The following PTPRD variants were observed in gnomAD, a reference collection of about 807,000 sequenced individuals.
PTPRD encodes the protein protein tyrosine phosphatase receptor type D, also known as receptor-type tyrosine-protein phosphatase delta.
PTPRD carries 34 observed loss-of-function variants against 214.5 expected under a neutral mutation model. The ratio of observed to expected loss-of-function variants is 0.16; its 90% CI spans 0.12 to 0.21. The LOEUF is 0.21. PTPRD is among the 10% of genes least tolerant of loss of function. The pLI, the probability that PTPRD is intolerant of heterozygous loss-of-function variation, is 1.00. For missense variants in PTPRD, 2,545 were observed against 2,398.7 expected, an observed-to-expected ratio of 1.06 and a Z score of -1.27; for synonymous variants, 1,128 against 845.7, an observed-to-expected ratio of 1.33 and a Z score of -5.79.
intron 9 of PTPRD, among the ~76,000 whole-genome samples, chr9:9,266,565 T>G (rs1184287788): frequency 6.7e-6 from 1 of 149,958 alleles, no homozygotes; most frequent in African/African-American, 2.4e-5. Flanking sequence ...CTGACCACCG[T>G]GATATGAAAC....
chr9:9,991,563 G>A (rs1001562468), intron 4 of PTPRD, among the ~76,000 whole-genome samples: 1 of 151,900 alleles, frequency 6.6e-6, no homozygotes, highest in African/African-American at 2.4e-5. Flanking sequence ...GTTTCTCCAT[G>A]TTGGTCAGGC....
intron 12 of PTPRD, among the ~76,000 whole-genome samples, chr9:8,702,947 G>A (rs72700384): frequency 0.088 from 13,346 of 152,248 alleles, 717 homozygotes; most frequent in South Asian, 0.14. Context: ...ACAAGAGGAA[G>A]GAGGACATTT....
intron 3 of PTPRD, among the ~76,000 whole-genome samples, chr9:10,082,216 C>A (rs114943346): frequency 6.6e-6 from 1 of 152,112 alleles, no homozygotes; most frequent in Non-Finnish European, 1.5e-5. Context: ...GAATAATAAA[C>A]GTTAAAGGAT....
chr9:9,420,047 A>C (rs1362961155), intron 8 of PTPRD, among the ~76,000 whole-genome samples: 1 of 151,622 alleles, frequency 6.6e-6, no homozygotes, highest in Non-Finnish European at 1.5e-5. Flanking sequence ...TATTTTTAAA[A>C]TTCTGTAACC....
At chr9:10,170,307 G>C (rs1046601120) in intron 3 of PTPRD, among the ~76,000 whole-genome samples, 5 of 151,920 alleles carry the variant, frequency 3.3e-5, no homozygotes, top group Admixed American at 2.0e-4. Context: ...CCTTCTGATG[G>C]GCATATTTTA....
chr9:9,186,359 A>G (rs1442901810), intron 9 of PTPRD, among the ~76,000 whole-genome samples: 3 of 152,092 alleles, frequency 2.0e-5, no homozygotes, highest in Non-Finnish European at 4.4e-5. Flanking sequence ...AGATCTGTCC[A>G]TGGTGGGGCA....
At chr9:8,961,676 C>G (rs781391664) in intron 11 of PTPRD, among the ~76,000 whole-genome samples, 1 of 152,078 alleles carries the variant, frequency 6.6e-6, no homozygotes, top group Non-Finnish European at 1.5e-5. Context: ...GTTTCCACTG[C>G]CTGCTAGGCT....
At chr9:9,876,071 G>T (rs1462028512) in intron 5 of PTPRD, among the ~76,000 whole-genome samples, 1 of 152,092 alleles carries the variant, frequency 6.6e-6, no homozygotes, top group African/African-American at 2.4e-5. Flanking sequence ...ATAGTTGGAA[G>T]GAAGGGAGGA....
At chr9:10,419,291 A>T (rs2154515153) in intron 2 of PTPRD, among the ~76,000 whole-genome samples, 1 of 151,988 alleles carries the variant, frequency 6.6e-6, no homozygotes, top group Admixed American at 6.6e-5. Context: ...CATTTCCGTA[A>T]CACTGGACTC....
chr9:8,720,765 G>C (rs1051104462), intron 12 of PTPRD, among the ~76,000 whole-genome samples: 1 of 152,040 alleles, frequency 6.6e-6, no homozygotes, highest in Non-Finnish European at 1.5e-5. Flanking sequence ...TGTAAGCTGT[G>C]ACTGTGACAT....
chr9:10,472,811 TTACTGAG>T (rs2099039792), intron 2 of PTPRD, among the ~76,000 whole-genome samples: 2 of 151,974 alleles, frequency 1.3e-5, no homozygotes, highest in Non-Finnish European at 1.5e-5. Flanking sequence ...AAATCATTAC[TTACTGAG>T]AAAACAATCA....
At chr9:10,535,465 G>C (rs755258173) in intron 2 of PTPRD, among the ~76,000 whole-genome samples, 1 of 151,906 alleles carries the variant, frequency 6.6e-6, no homozygotes, top group Non-Finnish European at 1.5e-5. Flanking sequence ...TTGTAATCTG[G>C]TGAGCTTACT....
At chr9:10,199,512 A>G (rs2099411152) in intron 3 of PTPRD, among the ~76,000 whole-genome samples, 1 of 152,102 alleles carries the variant, frequency 6.6e-6, no homozygotes, top group Non-Finnish European at 1.5e-5. Context: ...AACAGAGACC[A>G]GGAATTAGAA....
chr9:8,436,777 A>G, intron 34 of PTPRD, 88 bp from the exon 35 acceptor site: 1 of 1,025,278 alleles, frequency 9.8e-7, no homozygotes, highest in Non-Finnish European at 1.5e-6. Context: ...CTATAGTTAG[A>G]AATGGCCTGA....
intron 5 of PTPRD, among the ~76,000 whole-genome samples, chr9:9,874,369 C>A (rs1380033936): frequency 6.6e-6 from 1 of 152,098 alleles, no homozygotes; most frequent in Non-Finnish European, 1.5e-5. Context: ...CAATCAACTA[C>A]ATTACATGAG....
intron 2 of PTPRD, among the ~76,000 whole-genome samples, chr9:10,416,736 G>A (rs6474548): frequency 0.74 from 111,499 of 151,510 alleles, 41,496 homozygotes; most frequent in Non-Finnish European, 0.81. Flanking sequence ...GTATCTCTGT[G>A]GAGATTGCAA....
chr9:10,028,703 G>A (rs368064387), intron 4 of PTPRD, among the ~76,000 whole-genome samples: 28 of 152,242 alleles, frequency 1.8e-4, no homozygotes, highest in East Asian at 7.7e-4. Context: ...GCTATCTGGC[G>A]GAAGAAATTT....
At chr9:8,521,233 C>T (rs2138841026) in intron 20 of PTPRD, 44 bp downstream of exon 20, 1 of 1,566,046 alleles carries the variant, frequency 6.4e-7, no homozygotes, top group Non-Finnish European at 8.7e-7. Context: ...AGTCACTTGG[C>T]TTGAGTGTAC....
intron 2 of PTPRD, among the ~76,000 whole-genome samples, chr9:10,511,856 G>C (rs992230332): frequency 1.2e-4 from 8 of 66,436 alleles, no homozygotes; most frequent in Admixed American, 1.1e-3. Flanking sequence ...ACATATCTGT[G>C]TGTGTGTGTG....
Sources: allele counts gnomAD v4.1 joint callset (sites outside exome capture counted in the v4.1 genomes callset), GRCh38; gene constraint gnomAD v4.1.1; transcripts MANE v1.5; gene names NCBI Gene and HGNC (gene_info 2026-07-23, HGNC 2026-07-21).